The following CSMD1 variants were observed in gnomAD, a reference collection of about 807,000 sequenced individuals.
CSMD1 encodes the protein CUB and sushi domain-containing protein 1.
CSMD1 carries 213 observed loss-of-function variants against 417.5 expected under a neutral mutation model. That is an observed-to-expected ratio of 0.51 (90% CI 0.46 to 0.57). CSMD1 has a LOEUF of 0.57. Ranked by LOEUF, CSMD1 falls within the 20% of genes least tolerant of loss-of-function variation. The pLI is 0.00. For synonymous variants in CSMD1, 2,862 were observed against 1,736.8 expected, an observed-to-expected ratio of 1.65 and a Z score of -16.11; for missense variants, 6,923 against 4,529.7, an observed-to-expected ratio of 1.53 and a Z score of -15.17.
intron 4 of CSMD1, among the ~76,000 whole-genome samples, chr8:4,000,805 T>G (rs935363113): frequency 1.3e-5 from 2 of 152,082 alleles, no homozygotes; most frequent in Non-Finnish European, 2.9e-5. Flanking sequence ...ACAAAAGTTA[T>G]GGCATCTCAA....
chr8:4,124,804 G>C (rs778645045), intron 3 of CSMD1, among the ~76,000 whole-genome samples: 14 of 152,028 alleles, frequency 9.2e-5, no homozygotes, highest in Non-Finnish European at 1.6e-4. Context: ...GTTGCAGCCT[G>C]ATGTTTTTAA....
intron 1 of CSMD1, among the ~76,000 whole-genome samples, chr8:4,754,949 C>T (rs1811575713): frequency 6.6e-6 from 1 of 151,866 alleles, no homozygotes; most frequent in South Asian, 2.1e-4. Context: ...CCAGCCTGGC[C>T]AACATAGTGA....
chr8:3,981,627 TTTGAG>T (rs1813878863), intron 5 of CSMD1, among the ~76,000 whole-genome samples: 3 of 152,106 alleles, frequency 2.0e-5, no homozygotes, highest in Non-Finnish European at 4.4e-5. Flanking sequence ...TATTGTTCCC[TTTGAG>T]TTGTCTTTTA....
chr8:3,875,080 G>A (rs1353147825), intron 5 of CSMD1, among the ~76,000 whole-genome samples: 1 of 151,958 alleles, frequency 6.6e-6, no homozygotes, highest in Admixed American at 6.6e-5. Context: ...ACACAGAAAG[G>A]TGCCTGGGGA....
intron 1 of CSMD1, among the ~76,000 whole-genome samples, chr8:4,823,831 G>T (rs79984512): frequency 6.6e-6 from 1 of 151,948 alleles, no homozygotes; most frequent in Non-Finnish European, 1.5e-5. Context: ...GCTCACAGAG[G>T]TTGAAGATAA....
chr8:4,392,259 G>C (rs1450438300), intron 3 of CSMD1, among the ~76,000 whole-genome samples: 2 of 152,126 alleles, frequency 1.3e-5, no homozygotes, highest in Admixed American at 6.5e-5. Flanking sequence ...AAACTGAAGA[G>C]TTATTTGCAT....
intron 5 of CSMD1, among the ~76,000 whole-genome samples, chr8:3,962,637 T>A (rs1432058661): frequency 6.6e-6 from 1 of 152,098 alleles, no homozygotes; most frequent in Non-Finnish European, 1.5e-5. Context: ...AAGGAGAGCA[T>A]GGACATTCAA....
intron 26 of CSMD1, among the ~76,000 whole-genome samples, chr8:3,269,723 G>C (rs1801699358): frequency 6.6e-6 from 1 of 152,164 alleles, no homozygotes; most frequent in Non-Finnish European, 1.5e-5. Flanking sequence ...ATTTTCGTGA[G>C]TTTTATGCAT....
intron 1 of CSMD1, among the ~76,000 whole-genome samples, chr8:4,711,570 T>C (rs1808300756): frequency 6.6e-6 from 1 of 151,926 alleles, no homozygotes; most frequent in African/African-American, 2.4e-5. Flanking sequence ...CAGAGAAATT[T>C]GAAAAAAAAA....
At chr8:4,958,168 C>T (rs184367135) in intron 1 of CSMD1, among the ~76,000 whole-genome samples, 6 of 152,040 alleles carry the variant, frequency 3.9e-5, no homozygotes, top group Non-Finnish European at 8.8e-5. Flanking sequence ...AATGTTGTTT[C>T]GATCAATTTG....
intron 5 of CSMD1, among the ~76,000 whole-genome samples, chr8:3,831,787 C>G (rs1406686325): frequency 1.3e-5 from 2 of 152,100 alleles, no homozygotes; most frequent in African/African-American, 2.4e-5. Flanking sequence ...GATATTTTTG[C>G]TCACACGCGG....
Position 3,413,092 on chromosome 8 carries a change from A to T in CSMD1, c.1562-3487T>A, listed in dbSNP as rs1812918116. ...TTATGAGCTTCCTACTTCCTACCTC[A>T]AAGGGTGGCCATGAGAATTAAAGAA... On this transcript the variant is annotated intron_variant, in intron 12 of 69. Transcript: ENST00000635120. Among the ~76,000 whole-genome samples, 3 of 152,264 alleles carry T rather than the reference A, an allele frequency of 2.0e-5. No individual in the cohort carries two copies. In the South Asian group the frequency reaches 6.2e-4, roughly 32 times the overall value.
At chr8:3,796,520 TC>T (rs1391490878) in intron 5 of CSMD1, among the ~76,000 whole-genome samples, 6 of 144,148 alleles carry the variant, frequency 4.2e-5, no homozygotes, top group East Asian at 2.0e-4. Context: ...TATCTATATA[TC>T]TATATCTAAG....
chr8:4,222,011 T>A lies in CSMD1; in HGVS notation c.416-189912A>T, dbSNP rs924839772. Among the ~76,000 whole-genome samples, 5 of 151,056 alleles carry A rather than the reference T, an allele frequency of 3.3e-5. No homozygotes were observed. The East Asian group carries it at 9.8e-4, about 30-fold the overall frequency. ...CCCAACGGTCTGTCCCTACACCACA[T>A]AAACCTGTACATTTTAGTTCTCTAG... On this transcript the variant is annotated intron_variant, in intron 3 of 69. Transcript: ENST00000635120.
chr8:3,355,371 C>A (rs1024045003), intron 21 of CSMD1, among the ~76,000 whole-genome samples: 2 of 152,170 alleles, frequency 1.3e-5, no homozygotes, highest in Non-Finnish European at 2.9e-5. Context: ...TACTCTCTAA[C>A]TTTGCTCCTG....
intron 7 of CSMD1, among the ~76,000 whole-genome samples, chr8:3,650,703 CAAAG>C (rs1320313970): frequency 2.0e-5 from 3 of 152,166 alleles, no homozygotes; most frequent in Non-Finnish European, 4.4e-5. Context: ...GCTGGCTTCT[CAAAG>C]AAAGGGCATC....
chr8:3,820,322 G>A (rs750442594), intron 5 of CSMD1, among the ~76,000 whole-genome samples: 4 of 152,078 alleles, frequency 2.6e-5, no homozygotes, highest in African/African-American at 9.7e-5. Context: ...AGTCTAAGAT[G>A]AATTCCTCTT....
intron 10 of CSMD1, among the ~76,000 whole-genome samples, chr8:3,571,108 T>G (rs1322222160): frequency 6.6e-6 from 1 of 152,172 alleles, no homozygotes; most frequent in African/African-American, 2.4e-5. Context: ...CACTTACAGG[T>G]GGAAGATCAT....
intron 3 of CSMD1, among the ~76,000 whole-genome samples, chr8:4,101,507 C>G (rs1298162780): frequency 6.6e-6 from 1 of 152,164 alleles, no homozygotes; most frequent in African/African-American, 2.4e-5. Context: ...ACCCTGCAGT[C>G]ACCAAATATG....
Sources: allele counts gnomAD v4.1 joint callset (sites outside exome capture counted in the v4.1 genomes callset), GRCh38; gene constraint gnomAD v4.1.1; transcripts MANE v1.5; gene names NCBI Gene and HGNC (gene_info 2026-07-23, HGNC 2026-07-21).